The following KIAA0825 variants were observed in gnomAD, a reference collection of about 807,000 sequenced individuals.
KIAA0825 encodes uncharacterized protein KIAA0825.
KIAA0825 carries 119 observed loss-of-function variants against 147.6 expected under a neutral mutation model. The observed-to-expected ratio is 0.81, with a 90% CI of 0.69 to 0.94. KIAA0825 has a LOEUF of 0.94. Ranked by LOEUF, KIAA0825 falls within the 40% of genes least tolerant of loss-of-function variation. KIAA0825 has a pLI of 0.00. For missense variants in KIAA0825, 1,381 were observed against 1,472.7 expected (o/e 0.94, Z 1.02); for synonymous variants, 470 against 518.1 (o/e 0.91, Z 1.26).
chr5:94,243,673 T>C (rs1220979240), intron 20 of KIAA0825, among the ~76,000 whole-genome samples: 2 of 152,150 alleles, frequency 1.3e-5, no homozygotes, highest in Non-Finnish European at 2.9e-5. Flanking sequence ...TTAGAGTGTT[T>C]CGAAGAGGTT....
At chr5:94,275,649 G>A (rs969063862) in intron 20 of KIAA0825, among the ~76,000 whole-genome samples, 23 of 152,134 alleles carry the variant, frequency 1.5e-4, no homozygotes, top group Non-Finnish European at 2.9e-4. Context: ...TAATAGACAA[G>A]ATTTCTGTGG....
intron 1 of KIAA0825, among the ~76,000 whole-genome samples, chr5:94,598,230 T>A (rs1325828060): frequency 6.6e-6 from 1 of 152,134 alleles, no homozygotes; most frequent in Non-Finnish European, 1.5e-5. Context: ...TCTATAAGTT[T>A]TTAAAAAATA....
rs1781646882 is a variant in KIAA0825 at position 94,579,320 on chromosome 5, A to T, written c.-2+3113T>A. On this transcript the variant is annotated intron_variant, in intron 2 of 20. Coordinates refer to ENST00000682413, the MANE Select transcript of KIAA0825 (RefSeq NM_001145678.3). ...ATCCGTAAACGAGTGAGAACATTAA[A>T]GGGTTGTTACCAAGATTACATGGGA... is the stretch of plus-strand genomic sequence containing the variant. Among the ~76,000 whole-genome samples the T allele has an allele frequency of 2.0e-5, 3 of 152,236 alleles. No individual in the cohort carries two copies. The South Asian group carries it at 6.2e-4, about 31-fold the overall frequency.
intron 20 of KIAA0825, among the ~76,000 whole-genome samples, chr5:94,172,591 G>A (rs900396886): frequency 1.3e-5 from 2 of 152,120 alleles, no homozygotes; most frequent in African/African-American, 4.8e-5. Context: ...ATGACCCACA[G>A]TTTTGTCTGG....
chr5:94,207,763 T>C (rs755804248), intron 20 of KIAA0825, among the ~76,000 whole-genome samples: 5 of 152,194 alleles, frequency 3.3e-5, no homozygotes, highest in Admixed American at 6.5e-5. Flanking sequence ...TTTCAAATCT[T>C]TCTTGTGCTT....
chr5:94,499,558 C>T (rs1234464754), intron 5 of KIAA0825, among the ~76,000 whole-genome samples: 1 of 111,584 alleles, frequency 9.0e-6, no homozygotes, highest in Non-Finnish European at 1.8e-5. Context: ...AGCAATTTTT[C>T]ATATATTCAT....
At chr5:94,417,630 T>C (rs888361845) in intron 14 of KIAA0825, among the ~76,000 whole-genome samples, 1 of 152,116 alleles carries the variant, frequency 6.6e-6, no homozygotes, top group East Asian at 1.9e-4. Flanking sequence ...ATAACACCAC[T>C]TCAAAGGTCA....
intron 2 of KIAA0825, among the ~76,000 whole-genome samples, chr5:94,574,543 C>CAAAAAAAAAAAAAAAAA (rs1181241238): frequency 4.6e-5 from 3 of 65,534 alleles, no homozygotes; most frequent in Non-Finnish European, 7.9e-5. Flanking sequence ...GACTCCATCT[C>CAAAAAAAAAAAAAAAAA]AAAAAAAAAA....
chr5:94,516,576 G>A (rs1178345411), intron 5 of KIAA0825, among the ~76,000 whole-genome samples: 1 of 151,738 alleles, frequency 6.6e-6, no homozygotes, highest in East Asian at 1.9e-4. Flanking sequence ...GGCCGAGGCG[G>A]GCGGATCACG....
At chr5:94,302,435 G>C (rs1654974248) in intron 20 of KIAA0825, among the ~76,000 whole-genome samples, 1 of 152,210 alleles carries the variant, frequency 6.6e-6, no homozygotes, top group East Asian at 1.9e-4. Flanking sequence ...GTCAAGGTTT[G>C]ATTTTAACAC....
In KIAA0825 at chr5:94,276,125, A is replaced by C. The variant is rs190219860; in HGVS notation, c.3710+108243T>G. Among the ~76,000 whole-genome samples, 21 of 152,264 alleles carry C rather than the reference A, an allele frequency of 1.4e-4. 1 individual carries two copies. Among genetic ancestry groups the C allele is most frequent in the African/African-American group, 4.8e-4 (20 of 41,554 alleles). ...CTGGAAGCACACCAGGAAAAGTGAA[A>C]TATCTTTATTAAGTGTGTAGTAACA... On this transcript the variant is annotated intron_variant, in intron 20 of 20. Transcript: ENST00000682413.
chr5:94,586,905 T>C (rs1584971205), intron 1 of KIAA0825, among the ~76,000 whole-genome samples: 1 of 152,168 alleles, frequency 6.6e-6, no homozygotes, highest in Admixed American at 6.5e-5. Flanking sequence ...AATCAATAAA[T>C]GTAATCCATC....
chr5:94,614,285 G>A (rs572901682), intron 1 of KIAA0825, among the ~76,000 whole-genome samples: 2 of 152,244 alleles, frequency 1.3e-5, no homozygotes, highest in Non-Finnish European at 2.9e-5. Flanking sequence ...ATTTCTGAGT[G>A]GTGGGGTCAT....
intron 1 of KIAA0825, among the ~76,000 whole-genome samples, chr5:94,591,489 C>T (rs895628983): frequency 6.6e-6 from 1 of 152,092 alleles, no homozygotes; most frequent in Admixed American, 6.6e-5. Context: ...TGGGTACCCC[C>T]CAAAAAAGCC....
At chr5:94,162,220 G>A (rs1767652226) in intron 20 of KIAA0825, among the ~76,000 whole-genome samples, 1 of 152,176 alleles carries the variant, frequency 6.6e-6, no homozygotes, top group Non-Finnish European at 1.5e-5. Flanking sequence ...GTAGGACACA[G>A]GACATCTGGA....
intron 1 of KIAA0825, chr5:94,594,895 A>G (rs1419040817): frequency 6.8e-6 from 2 of 293,480 alleles, no homozygotes; most frequent in Non-Finnish European, 1.3e-5. Flanking sequence ...AAAAAAAAAA[A>G]AGCTCCAAAA....
intron 20 of KIAA0825, among the ~76,000 whole-genome samples, chr5:94,289,310 C>A (rs1777785204): frequency 6.6e-6 from 1 of 151,854 alleles, no homozygotes; most frequent in African/African-American, 2.4e-5. Flanking sequence ...CAGAGGTGGG[C>A]GGATCACCTG....
chr5:94,320,188 A>G (rs1363105749), intron 20 of KIAA0825, among the ~76,000 whole-genome samples: 2 of 151,878 alleles, frequency 1.3e-5, no homozygotes, highest in Non-Finnish European at 2.9e-5. Flanking sequence ...ACCTGACATT[A>G]TGTTACTTTT....
intron 13 of KIAA0825, among the ~76,000 whole-genome samples, chr5:94,449,874 T>A (rs1325199246): frequency 6.6e-6 from 1 of 151,978 alleles, no homozygotes; most frequent in Non-Finnish European, 1.5e-5. Context: ...AGGTCAGGAG[T>A]TTGAGGCCAG....
Sources: allele counts gnomAD v4.1 joint callset (sites outside exome capture counted in the v4.1 genomes callset), GRCh38; gene constraint gnomAD v4.1.1; transcripts MANE v1.5; gene names NCBI Gene and HGNC (gene_info 2026-07-23, HGNC 2026-07-21).